Variants in CRADD observed in about 807,000 individuals in gnomAD.
The protein encoded by CRADD is death domain-containing protein CRADD.
CRADD carries 9 observed loss-of-function variants against 15.5 expected under a neutral mutation model. That is an observed-to-expected ratio of 0.58 (90% CI 0.35 to 1.01). The LOEUF is 1.01. Ranked by LOEUF, CRADD falls within the 50% of genes least tolerant of loss-of-function variation. The pLI, the probability that CRADD is intolerant of heterozygous loss-of-function variation, is 0.02. For missense variants in CRADD, 227 were observed against 250.3 expected, an observed-to-expected ratio of 0.91 and a Z score of 0.63; for synonymous variants, 118 against 107.6, an observed-to-expected ratio of 1.10 and a Z score of -0.60.
At chr12:93,869,960 A>G (rs1367346124) in intron 2 of CRADD, among the ~76,000 whole-genome samples, 1 of 152,214 alleles carries the variant, frequency 6.6e-6, no homozygotes, top group Non-Finnish European at 1.5e-5. Flanking sequence ...AAACAGAAAA[A>G]GATAGAAATT....
Position 93,891,598 on chromosome 12 carries a change from G to A in CRADD, c.299-2452G>A, listed in dbSNP as rs894926263. 2.0e-5 allele frequency among the ~76,000 whole-genome samples: 3 copies of A among 152,246 alleles called. No homozygotes were observed. In the South Asian group the frequency reaches 6.2e-4, roughly 31 times the overall value. ...GGTGTGCATGTACACACTTATGTGTGTGTGTGATGGAAGGGGTTAACACCC... is the reference window on the plus strand; with the variant it reads ...GGTGTGCATGTACACACTTATGTGTATGTGTGATGGAAGGGGTTAACACCC... On this transcript the variant is annotated intron_variant, in intron 2 of 2. Transcript: ENST00000548483.
At chr12:93,679,173 G>C (rs1171847139) in intron 2 of CRADD, 101 bp downstream of exon 2, 3 of 949,952 alleles carry the variant, frequency 3.2e-6, no homozygotes, top group Non-Finnish European at 4.7e-6. Context: ...ACAGAGTCTT[G>C]CTCTGTTGCC....
At chr12:93,874,875 A>G (rs973804227) in intron 2 of CRADD, among the ~76,000 whole-genome samples, 3 of 151,652 alleles carry the variant, frequency 2.0e-5, no homozygotes, top group Non-Finnish European at 4.4e-5. Context: ...TGTGCTGAGG[A>G]AAAAAAACGT....
At chr12:93,891,667 A>C (rs1449425241) in intron 2 of CRADD, among the ~76,000 whole-genome samples, 4 of 152,214 alleles carry the variant, frequency 2.6e-5, no homozygotes, top group Non-Finnish European at 5.9e-5. Flanking sequence ...GTATTACTTC[A>C]TGGTCAATCT....
At chr12:93,681,076 G>C (rs1244166268) in intron 2 of CRADD, among the ~76,000 whole-genome samples, 1 of 151,620 alleles carries the variant, frequency 6.6e-6, no homozygotes, top group Non-Finnish European at 1.5e-5. Flanking sequence ...TAGAGATGGG[G>C]TTTCTCCATG....
At chr12:93,808,841 C>T (rs1957582231) in intron 2 of CRADD, among the ~76,000 whole-genome samples, 1 of 151,686 alleles carries the variant, frequency 6.6e-6, no homozygotes, top group South Asian at 2.1e-4. Flanking sequence ...AAGTAGACCA[C>T]AGTGGCTCAT....
intron 2 of CRADD, among the ~76,000 whole-genome samples, chr12:93,749,195 A>C (rs904609833): frequency 6.6e-6 from 1 of 152,170 alleles, no homozygotes; most frequent in Admixed American, 6.5e-5. Context: ...TGAAGCTGGC[A>C]CCTAAAGGAT....
At chr12:93,806,220 G>A (rs1331083400) in intron 2 of CRADD, among the ~76,000 whole-genome samples, 1 of 151,948 alleles carries the variant, frequency 6.6e-6, no homozygotes, top group Non-Finnish European at 1.5e-5. Flanking sequence ...TTGGGAGGCC[G>A]AGGTGGGCGG....
chr12:93,819,591 A>G (rs1957746058), intron 2 of CRADD, among the ~76,000 whole-genome samples: 1 of 152,240 alleles, frequency 6.6e-6, no homozygotes, highest in South Asian at 2.1e-4. Context: ...GAAAATCTAA[A>G]AAAAGAAAGT....
At chr12:93,885,962 CT>C (rs936856967) in intron 2 of CRADD, among the ~76,000 whole-genome samples, 6 of 152,112 alleles carry the variant, frequency 3.9e-5, no homozygotes, top group Non-Finnish European at 7.4e-5. Flanking sequence ...TCGCTTGAAT[CT>C]AGGAGGCAGA....
chr12:93,700,240 C>T (rs1592898861), intron 2 of CRADD, among the ~76,000 whole-genome samples: 1 of 152,130 alleles, frequency 6.6e-6, no homozygotes, highest in African/African-American at 2.4e-5. Flanking sequence ...ATGCACCTGC[C>T]ACTTACTTTA....
chr12:93,693,268 A>G (rs1467955707), intron 2 of CRADD, among the ~76,000 whole-genome samples: 1 of 152,182 alleles, frequency 6.6e-6, no homozygotes, highest in Non-Finnish European at 1.5e-5. Context: ...TAAATGGATT[A>G]AATTCTCCAG....
chr12:93,746,319 T>C (rs969862556), intron 2 of CRADD, among the ~76,000 whole-genome samples: 1 of 152,206 alleles, frequency 6.6e-6, no homozygotes, highest in African/African-American at 2.4e-5. Context: ...GAAACATAAA[T>C]GAACAGTATG....
At chr12:93,839,517 A>G (rs895625924) in intron 2 of CRADD, among the ~76,000 whole-genome samples, 3 of 152,178 alleles carry the variant, frequency 2.0e-5, no homozygotes, top group African/African-American at 7.2e-5. Context: ...TTTTACCCAC[A>G]CTGCCAACTT....
Position 93,678,901 on chromosome 12 carries a change from G to C in CRADD, c.127G>C (p.Glu43Gln). Residue 43 changes from glutamate to glutamine, a missense_variant, in exon 2 of 3, where the codon GAA becomes CAA. Coordinates refer to ENST00000332896, the MANE Select transcript of CRADD (RefSeq NM_003805.5). Reference sequence around the variant, plus strand: ...AATCTTGACGGAAAACCATATTCAAGAAATCAATGCTCAAACCACAGGCCT... The same window carrying C: ...AATCTTGACGGAAAACCATATTCAACAAATCAATGCTCAAACCACAGGCCT... ...EGILTENHIQ[E>Q]INAQTTGLRK... 6.2e-7 allele frequency: 1 copy of C among 1,614,186 alleles called. No individual in the cohort carries two copies. Among genetic ancestry groups the C allele is most frequent in the Non-Finnish European group, 8.5e-7 (1 of 1,180,022 alleles).
chr12:93,852,013 A>C (rs891806508), downstream of CRADD, among the ~76,000 whole-genome samples: 1 of 152,250 alleles, frequency 6.6e-6, no homozygotes, highest in African/African-American at 2.4e-5. Context: ...AGGATAGTCT[A>C]CTGGCCTTAT....
At chr12:93,814,467 C>T (rs977094304) in intron 2 of CRADD, among the ~76,000 whole-genome samples, 2 of 152,154 alleles carry the variant, frequency 1.3e-5, no homozygotes, top group Admixed American at 6.5e-5. Context: ...TTAACTTGTT[C>T]GAGGGATCTA....
rs1004188511 is a variant in CRADD at position 93,679,211 on chromosome 12, G to A, written c.298+139G>A. On this transcript the variant is annotated intron_variant, in intron 2 of 2. Coordinates refer to ENST00000332896, the MANE Select transcript of CRADD (RefSeq NM_003805.5). Reference sequence around the variant, plus strand: ...GGCTGGAGTGCAATGGTGTGATCTCGGCTCACTGCAACCTCTGCTTCCTGG... The same window carrying A: ...GGCTGGAGTGCAATGGTGTGATCTCAGCTCACTGCAACCTCTGCTTCCTGG... 2.6e-5 allele frequency: 17 copies of A among 662,644 alleles called. No individual in the cohort carries two copies. In the East Asian group the frequency reaches 2.8e-4, roughly 11 times the overall value. The allele number at this position is 662,644 out of a possible 1,614,324, so 41.0% of individuals were successfully genotyped here.
intron 2 of CRADD, among the ~76,000 whole-genome samples, chr12:93,877,574 T>A (rs1392299159): frequency 6.6e-6 from 1 of 152,208 alleles, no homozygotes; most frequent in Non-Finnish European, 1.5e-5. Flanking sequence ...GATGCAGTCC[T>A]TCCTCCTCTT....
Sources: gnomAD v4.1 joint callset for allele counts (sites outside exome capture counted in the v4.1 genomes callset) on GRCh38, gnomAD v4.1.1 for gene constraint, MANE v1.5 for transcripts, NCBI Gene and HGNC (gene_info 2026-07-23, HGNC 2026-07-21) for gene names.